Variants in MDGA2 observed in about 807,000 individuals in gnomAD.
MDGA2 encodes the protein MAM domain containing glycosylphosphatidylinositol anchor 2.
In MDGA2, 40 loss-of-function variants were observed where a neutral mutation model predicts 117.8. The observed-to-expected ratio is 0.34, with a 90% CI of 0.26 to 0.44. MDGA2 has a LOEUF of 0.44. Ranked by LOEUF, MDGA2 falls within the 20% of genes least tolerant of loss-of-function variation. The pLI is 1.00. For synonymous variants in MDGA2, 452 were observed against 439.0 expected (o/e 1.03, Z -0.37); for missense variants, 1,123 against 1,250.6 (o/e 0.90, Z 1.54).
chr14:47,337,033 G>T (rs1414604290), intron 1 of MDGA2, among the ~76,000 whole-genome samples: 4 of 151,822 alleles, frequency 2.6e-5, no homozygotes, highest in Non-Finnish European at 5.9e-5. Flanking sequence ...CTTGAATATT[G>T]TTACATCTTG....
chr14:46,971,464 C>A (rs1011373797), intron 8 of MDGA2, among the ~76,000 whole-genome samples: 1 of 152,028 alleles, frequency 6.6e-6, no homozygotes, highest in African/African-American at 2.4e-5. Context: ...CACAGAAAGA[C>A]AAATACCACA....
chr14:47,039,370 A>G (rs185142784), intron 7 of MDGA2, among the ~76,000 whole-genome samples: 81 of 152,324 alleles, frequency 5.3e-4, no homozygotes, highest in African/African-American at 1.7e-3. Context: ...CCACCACTTC[A>G]AAACAGCCAT....
At chr14:47,556,403 TG>T (rs1420031048) in intron 1 of MDGA2, among the ~76,000 whole-genome samples, 2 of 152,218 alleles carry the variant, frequency 1.3e-5, no homozygotes, top group African/African-American at 4.8e-5. Context: ...CACAATCCCC[TG>T]GGTCAGGAAT....
chr14:47,590,074 G>A (rs1896407524), intron 1 of MDGA2, among the ~76,000 whole-genome samples: 1 of 151,878 alleles, frequency 6.6e-6, no homozygotes, highest in African/African-American at 2.4e-5. Flanking sequence ...GTGTATTTGT[G>A]TGTGTGTGCG....
At position 47,304,558 on chromosome 14, in the gene MDGA2, A is replaced by G. The variant is rs564244892; in HGVS notation, c.281-3008T>C. ...TCCAAACTTAACCAAACTTCACAATAGAATGTTGTCCCAGTTCATCATCCT... is the reference window on the plus strand; with the variant it reads ...TCCAAACTTAACCAAACTTCACAATGGAATGTTGTCCCAGTTCATCATCCT... On this transcript the variant is annotated intron_variant, in intron 1 of 16. Coordinates refer to ENST00000399232, the MANE Select transcript of MDGA2 (RefSeq NM_001113498.3). Among the ~76,000 whole-genome samples, 3 of 152,290 alleles carry G rather than the reference A, an allele frequency of 2.0e-5. No individual in the cohort carries two copies. The South Asian group carries it at 6.2e-4, about 32-fold the overall frequency.
At chr14:47,026,638 A>T (rs375981757) in intron 8 of MDGA2, among the ~76,000 whole-genome samples, 1 of 152,104 alleles carries the variant, frequency 6.6e-6, no homozygotes, top group East Asian at 1.9e-4. Context: ...GGAGATGATC[A>T]TAGTATGTGT....
Position 47,246,036 on chromosome 14 carries a change from GA to G in MDGA2, c.421-27842del, listed in dbSNP as rs1034150764. Among the ~76,000 whole-genome samples, 6 of 151,802 alleles carry G rather than the reference GA, an allele frequency of 4.0e-5. 1 individual carries two copies. Among genetic ancestry groups the G allele is most frequent in the Non-Finnish European group, 7.4e-5 (5 of 67,796 alleles). ...TTAGTGGAGCTGAGCTTCACAGATA[GA>G]TTCTTTGGCTCAGAGGCCAGTTTTC... On this transcript the variant is annotated intron_variant, in intron 2 of 16. Coordinates refer to ENST00000399232, the MANE Select transcript of MDGA2 (RefSeq NM_001113498.3).
At chr14:47,643,392 A>G (rs1208535857) in intron 1 of MDGA2, among the ~76,000 whole-genome samples, 1 of 152,068 alleles carries the variant, frequency 6.6e-6, no homozygotes, top group Admixed American at 6.5e-5. Context: ...ATTTTTGGAC[A>G]TGCATATGTA....
At chr14:46,920,500 T>C (rs1014964470) in intron 9 of MDGA2, among the ~76,000 whole-genome samples, 3 of 152,148 alleles carry the variant, frequency 2.0e-5, no homozygotes, top group African/African-American at 7.2e-5. Flanking sequence ...ATACACCAAG[T>C]ATGCAGTAGG....
chr14:47,119,246 T>C (rs1449681157), intron 5 of MDGA2, among the ~76,000 whole-genome samples: 2 of 146,950 alleles, frequency 1.4e-5, no homozygotes, highest in African/African-American at 5.0e-5. Context: ...TTTGTATTTT[T>C]AGTAGAGACG....
chr14:47,025,779 A>C (rs1888451125), intron 8 of MDGA2, among the ~76,000 whole-genome samples: 1 of 152,126 alleles, frequency 6.6e-6, no homozygotes, highest in Non-Finnish European at 1.5e-5. Context: ...GTTTGGGACA[A>C]TTAGCAGTAG....
At chr14:47,312,677 G>GTTTTTTTTTTTTT (rs202227321) in intron 1 of MDGA2, among the ~76,000 whole-genome samples, 1 of 126,744 alleles carries the variant, frequency 7.9e-6, no homozygotes, top group African/African-American at 3.0e-5. Context: ...CTAGTTTTTA[G>GTTTTTTTTTTTTT]TTTTTTTTTT....
At chr14:46,851,703 G>C (rs1489909997) in intron 15 of MDGA2, among the ~76,000 whole-genome samples, 6 of 151,740 alleles carry the variant, frequency 4.0e-5, no homozygotes, top group Non-Finnish European at 8.9e-5. Flanking sequence ...AAAATTTCAA[G>C]AGGTAAAAGT....
chr14:47,060,556 G>T (rs953653404), intron 7 of MDGA2, among the ~76,000 whole-genome samples: 12 of 151,978 alleles, frequency 7.9e-5, no homozygotes, highest in Non-Finnish European at 1.8e-4. Context: ...GAATCACAGG[G>T]CTTTAAAGCA....
chr14:47,308,480 T>G (rs1201103121), intron 1 of MDGA2, among the ~76,000 whole-genome samples: 2 of 149,156 alleles, frequency 1.3e-5, no homozygotes, highest in African/African-American at 4.9e-5. Flanking sequence ...CTTTCTTTTC[T>G]TTTTTCCCTC....
intron 10 of MDGA2, among the ~76,000 whole-genome samples, chr14:46,896,559 A>G (rs1003221734): frequency 3.9e-5 from 6 of 152,078 alleles, no homozygotes; most frequent in Admixed American, 2.0e-4. Flanking sequence ...GATATTTATA[A>G]TCCCAATTTT....
At chr14:47,188,833 C>G (rs1885006463) in intron 3 of MDGA2, among the ~76,000 whole-genome samples, 1 of 152,088 alleles carries the variant, frequency 6.6e-6, no homozygotes. Context: ...AAATACTCTC[C>G]CCAAAAGAAA....
chr14:47,428,399 G>A (rs1171097159), intron 1 of MDGA2, among the ~76,000 whole-genome samples: 2 of 152,016 alleles, frequency 1.3e-5, no homozygotes, highest in Non-Finnish European at 2.9e-5. Flanking sequence ...TTTTTATAGT[G>A]AGTTATCATT....
At chr14:47,000,407 ATT>A (rs1280914009) in intron 8 of MDGA2, among the ~76,000 whole-genome samples, 30 of 138,830 alleles carry the variant, frequency 2.2e-4, no homozygotes, top group East Asian at 6.2e-4. Flanking sequence ...ATAAATATAT[ATT>A]TATATATATA....
Sources: allele counts gnomAD v4.1 joint callset (sites outside exome capture counted in the v4.1 genomes callset), GRCh38; gene constraint gnomAD v4.1.1; transcripts MANE v1.5; gene names NCBI Gene and HGNC (gene_info 2026-07-23, HGNC 2026-07-21).